The following RNF13 variants were observed in gnomAD, a reference collection of about 807,000 sequenced individuals.
RNF13 encodes ring finger protein 13.
Under a neutral mutation model 37.7 loss-of-function variants are expected in RNF13, and 19 were observed. The ratio of observed to expected loss-of-function variants is 0.50; its 90% confidence interval spans 0.35 to 0.74. The LOEUF is 0.74. RNF13 is among the 30% of genes least tolerant of loss of function. The pLI is 0.01. For synonymous variants in RNF13, 144 were observed against 157.8 expected, an observed-to-expected ratio of 0.91 and a Z score of 0.65; for missense variants, 375 against 453.0, an observed-to-expected ratio of 0.83 and a Z score of 1.56.
chr3:149,938,708 T>C (rs1388511753), intron 8 of RNF13, among the ~76,000 whole-genome samples: 1 of 152,144 alleles, frequency 6.6e-6, no homozygotes, highest in Non-Finnish European at 1.5e-5. Context: ...ATTTCACATG[T>C]ATATTTTTGC....
intron 8 of RNF13, among the ~76,000 whole-genome samples, chr3:149,941,049 A>G (rs536022144): frequency 6.6e-6 from 1 of 152,222 alleles, no homozygotes; most frequent in African/African-American, 2.4e-5. Flanking sequence ...TAAAGATTTC[A>G]TAATACTACA....
At chr3:149,869,394 A>G (rs1711731434) in intron 3 of RNF13, among the ~76,000 whole-genome samples, 1 of 151,594 alleles carries the variant, frequency 6.6e-6, no homozygotes, top group Non-Finnish European at 1.5e-5. Context: ...TCACAAGGTC[A>G]GGAGATCGAG....
chr3:149,944,378 T>C (rs913834710), intron 8 of RNF13, among the ~76,000 whole-genome samples: 5 of 152,206 alleles, frequency 3.3e-5, no homozygotes, highest in African/African-American at 1.2e-4. Flanking sequence ...TTCTAGATCC[T>C]TGAGGAATCA....
At chr3:149,919,558 T>G (rs1238062740) in intron 7 of RNF13, among the ~76,000 whole-genome samples, 2 of 152,376 alleles carry the variant, frequency 1.3e-5, no homozygotes, top group East Asian at 3.9e-4. Context: ...GAGATTTGTA[T>G]ATGTTATTGA....
In RNF13 at chr3:149,899,796, A is replaced by G. The variant is rs540435879; in HGVS notation, c.410-2276A>G. 9.2e-5 allele frequency among the ~76,000 whole-genome samples: 14 copies of G among 152,384 alleles called. No individual in the cohort carries two copies. The South Asian group carries it at 2.1e-3, about 23-fold the overall frequency. ...AGTCTGAGAAACTAAGTGAATGGCT[A>G]TGCTGTTTACAGAGATGAGAAACAG... On this transcript the variant is annotated intron_variant, in intron 5 of 9. Transcript: ENST00000392894.
intron 1 of RNF13, among the ~76,000 whole-genome samples, chr3:149,837,774 GC>G (rs1392017597): frequency 6.6e-6 from 1 of 152,008 alleles, no homozygotes; most frequent in East Asian, 1.9e-4. Flanking sequence ...TTCTGCCCTG[GC>G]CCCTCCCAAA....
chr3:149,866,994 C>T (rs1285775900), intron 3 of RNF13, among the ~76,000 whole-genome samples: 1 of 152,110 alleles, frequency 6.6e-6, no homozygotes, highest in Non-Finnish European at 1.5e-5. Context: ...AATGTCTTTT[C>T]TATAACTGTT....
intron 3 of RNF13, among the ~76,000 whole-genome samples, chr3:149,864,190 T>G (rs1013923475): frequency 6.6e-6 from 1 of 151,920 alleles, no homozygotes; most frequent in Admixed American, 6.6e-5. Flanking sequence ...CATGAATGGC[T>G]TGGTGACTTC....
chr3:149,862,414 G>A (rs556245595), intron 3 of RNF13, among the ~76,000 whole-genome samples: 368 of 151,724 alleles, frequency 2.4e-3, no homozygotes, highest in Non-Finnish European at 4.4e-3. Context: ...CCCTTACCTC[G>A]CTCCTTATAG....
chr3:149,888,991 T>C (rs1053966321), intron 4 of RNF13, among the ~76,000 whole-genome samples: 3 of 152,190 alleles, frequency 2.0e-5, no homozygotes, highest in Non-Finnish European at 4.4e-5. Flanking sequence ...CAGGCCGAAG[T>C]CCAGTGGCGC....
intron 6 of RNF13, among the ~76,000 whole-genome samples, chr3:149,906,805 C>T (rs574481423): frequency 2.6e-5 from 4 of 151,934 alleles, no homozygotes; most frequent in South Asian, 4.2e-4. Context: ...GCATGCACCA[C>T]CTTGCCCAGC....
intron 9 of RNF13, 114 bp downstream of exon 9, chr3:149,960,250 T>A: frequency 1.4e-6 from 1 of 698,486 alleles, no homozygotes; most frequent in South Asian, 1.8e-5. Flanking sequence ...CCAGGCCCTG[T>A]ACTAATTAGT....
intron 4 of RNF13, among the ~76,000 whole-genome samples, chr3:149,890,377 C>T (rs1186497878): frequency 2.6e-5 from 4 of 152,202 alleles, no homozygotes; most frequent in Non-Finnish European, 1.5e-5. Context: ...CAGGGTACTG[C>T]ACAGTCTGTC....
At chr3:149,915,767 C>T (rs1415749091) in intron 7 of RNF13, among the ~76,000 whole-genome samples, 4 of 152,202 alleles carry the variant, frequency 2.6e-5, no homozygotes, top group African/African-American at 9.7e-5. Flanking sequence ...ACTGATTCTA[C>T]TTACACGAGG....
chr3:149,961,127 T>G lies in RNF13; in HGVS notation c.*23T>G. On this transcript the variant is annotated 3_prime_UTR_variant, in exon 10 of 10. Coordinates refer to ENST00000392894, the MANE Select transcript of RNF13 (RefSeq NM_183381.3). ...TGACTTTCAGAAGATGATTGGTTTA[T>G]TTCCCTTTAAAATGATTAGGTATAT... The G allele has an allele frequency of 6.4e-7, 1 of 1,571,338 alleles. No individual in the cohort carries two copies. Among genetic ancestry groups the G allele is most frequent in the South Asian group, 1.2e-5 (1 of 83,226 alleles).
At chr3:149,936,840 C>CT (rs1257632575) in intron 8 of RNF13, among the ~76,000 whole-genome samples, 3 of 152,046 alleles carry the variant, frequency 2.0e-5, no homozygotes, top group African/African-American at 4.8e-5. Context: ...TGCTATCTGC[C>CT]TTTGCTTGGT....
chr3:149,860,272 T>TATATAG (rs1724106145), intron 3 of RNF13, among the ~76,000 whole-genome samples: 1 of 96,628 alleles, frequency 1.0e-5, no homozygotes, highest in South Asian at 3.2e-4. Context: ...AAAAAAAAAA[T>TATATAG]ATATATATAT....
chr3:149,911,669 A>T (rs1244619052), intron 6 of RNF13, among the ~76,000 whole-genome samples: 2 of 151,946 alleles, frequency 1.3e-5, no homozygotes, highest in African/African-American at 4.8e-5. Context: ...AAAAAAAAAA[A>T]GTAAAATAAA....
chr3:149,862,596 G>A (rs1221965084), intron 3 of RNF13, among the ~76,000 whole-genome samples: 1 of 151,830 alleles, frequency 6.6e-6, no homozygotes, highest in Non-Finnish European at 1.5e-5. Flanking sequence ...TGAAATTTTT[G>A]TTATTACATA....
Sources: gnomAD v4.1 joint callset for allele counts (sites outside exome capture counted in the v4.1 genomes callset) on GRCh38, gnomAD v4.1.1 for gene constraint, MANE v1.5 for transcripts, NCBI Gene and HGNC (gene_info 2026-07-23, HGNC 2026-07-21) for gene names.